The following ZC2HC1B variants were observed in gnomAD, a reference collection of about 807,000 sequenced individuals.
The protein encoded by ZC2HC1B is zinc finger C2HC-type containing 1B, also known as zinc finger C2HC domain-containing protein 1B.
In ZC2HC1B, 36 loss-of-function variants were observed where a neutral mutation model predicts 31.0. That is an observed-to-expected ratio of 1.16 (90% confidence interval 0.89 to 1.54). The LOEUF (loss-of-function observed/expected upper bound fraction) is 1.54, where lower values mean the gene tolerates loss of function less well. ZC2HC1B is among the 40% of genes most tolerant of loss of function. ZC2HC1B has a pLI of 0.00. For missense variants in ZC2HC1B, 260 were observed against 268.6 expected, an observed-to-expected ratio of 0.97 and a Z score of 0.22; for synonymous variants, 73 against 88.0, an observed-to-expected ratio of 0.83 and a Z score of 0.95.
At chr6:143,874,737 C>T (rs1777385912) in intron 1 of ZC2HC1B, among the ~76,000 whole-genome samples, 1 of 152,162 alleles carries the variant, frequency 6.6e-6, no homozygotes, top group Non-Finnish European at 1.5e-5. Context: ...CCCCTGGGTC[C>T]CTCCCACAAC....
intron 5 of ZC2HC1B, among the ~76,000 whole-genome samples, chr6:143,901,973 A>C (rs1046752971): frequency 1.3e-5 from 2 of 152,204 alleles, no homozygotes; most frequent in African/African-American, 4.8e-5. Flanking sequence ...GGGGCCAAAG[A>C]GAGCACAGGA....
At chr6:143,867,882 T>C (rs1362272131) in intron 1 of ZC2HC1B, among the ~76,000 whole-genome samples, 1 of 152,214 alleles carries the variant, frequency 6.6e-6, no homozygotes, top group Non-Finnish European at 1.5e-5. Flanking sequence ...ATAATTGCCT[T>C]TTCCTATATC....
intron 4 of ZC2HC1B, among the ~76,000 whole-genome samples, chr6:143,898,313 C>A (rs562000121): frequency 8.8e-4 from 134 of 152,260 alleles, no homozygotes; most frequent in African/African-American, 2.9e-3. Context: ...GAACCACAGG[C>A]ACACACCACC....
rs59777839 is a variant in ZC2HC1B, at chr6:143,882,334, T to TTATATATA, written c.29-1942_29-1935dup. ...AATATGTATACATATTTTATATTTT[T>TTATATATA]TATATATATATATATATATATATAT... On this transcript the variant is annotated intron_variant, in intron 1 of 7. Coordinates refer to ENST00000237275, the MANE Select transcript of ZC2HC1B (RefSeq NM_001013623.3). 4.2e-3 allele frequency among the ~76,000 whole-genome samples: 355 copies of TTATATATA among 85,510 alleles called. 1 individual carries two copies. Among genetic ancestry groups the TTATATATA allele is most frequent in the Admixed American group, 6.9e-3 (55 of 7,948 alleles). The allele number at this position is 85,510 out of a possible 152,430, so 56.1% of individuals were successfully genotyped here.
chr6:143,918,295 C>T lies in ZC2HC1B; in HGVS notation c.598+15143C>T, dbSNP rs1454878108. 6.6e-6 allele frequency among the ~76,000 whole-genome samples: 1 copy of T among 152,178 alleles called. No individual in the cohort carries two copies. Among genetic ancestry groups the T allele is most frequent in the Non-Finnish European group, 1.5e-5 (1 of 68,038 alleles). ...GACTAGAGGCATGCACCTCTGTACC[C>T]ATCTCTTCCCTTACTTTTTGAAGGA... On this transcript the variant is annotated intron_variant, in intron 6 of 7. Transcript: ENST00000237275. This position sits in a 1 kb window ranked among gnomAD's most constrained non-coding sequence, Gnocchi z 4.1.
chr6:143,890,811 A>G (rs185635436), intron 4 of ZC2HC1B, among the ~76,000 whole-genome samples: 1 of 152,278 alleles, frequency 6.6e-6, no homozygotes, highest in African/African-American at 2.4e-5. Flanking sequence ...TTGTAGTTCT[A>G]TATACTAGGC....
intron 1 of ZC2HC1B, among the ~76,000 whole-genome samples, chr6:143,882,539 C>T (rs528481810): frequency 4.5e-4 from 68 of 151,678 alleles, no homozygotes; most frequent in African/African-American, 1.6e-3. Context: ...TTCCTGTTAA[C>T]TAGGGCTTCC....
rs1280516331 is a variant in ZC2HC1B, at chr6:143,937,664, C to T, written c.614C>T (p.Pro205Leu). 6.4e-7 allele frequency: 1 copy of T among 1,551,070 alleles called. No homozygotes were observed. The highest frequency in any genetic ancestry group is 8.7e-7 in the Non-Finnish European group (1 of 1,146,796). Residue 205 changes from proline (P) to leucine (L), a missense_variant, in exon 7 of 8, where the codon CCT (proline) becomes CTT (leucine). Transcript: ENST00000237275. ...GTTTGCAAAGGATTAGCTATGGACCCTGCTTCTGGAGCAAAACTCAGACAA... is the reference window on the plus strand; with the variant it reads ...GTTTGCAAAGGATTAGCTATGGACCTTGCTTCTGGAGCAAAACTCAGACAA... ...VPTKSGLAMD[P>L]ASGAKLRQGF...
rs1777992299 is a variant in ZC2HC1B at position 143,922,269 on chromosome 6, T to A, written c.599-15380T>A. Among the ~76,000 whole-genome samples, 1 of 152,228 alleles carries A rather than the reference T, an allele frequency of 6.6e-6. No individual in the cohort carries two copies. The highest frequency in any genetic ancestry group is 1.5e-5 in the Non-Finnish European group (1 of 68,040). ...ATGAATAAAATGTGTAATGATCAAA[T>A]CAGGGTATTTAAGATATCTATGACC... is the stretch of plus-strand genomic sequence containing the variant. On this transcript the variant is annotated intron_variant, in intron 6 of 7. Coordinates refer to ENST00000237275, the MANE Select transcript of ZC2HC1B (RefSeq NM_001013623.3). This position sits in a 1 kb window ranked among gnomAD's most constrained non-coding sequence, Gnocchi z 5.0.
At position 143,917,102 on chromosome 6, in the gene ZC2HC1B, G is replaced by A. The variant is rs1777928125; in HGVS notation, c.598+13950G>A. ...GGAGGTAACTGAATCATGGGGGCAA[G>A]TCTTTCCTGTGCTATTCTCGTGATA... On this transcript the variant is annotated intron_variant, in intron 6 of 7. Coordinates refer to ENST00000237275, the MANE Select transcript of ZC2HC1B (RefSeq NM_001013623.3). The surrounding 1 kb of genome is among the most constrained non-coding windows in gnomAD (Gnocchi z 4.1). Among the ~76,000 whole-genome samples, 1 of 152,196 alleles carries A rather than the reference G, an allele frequency of 6.6e-6. No individual in the cohort carries two copies.
In ZC2HC1B at chr6:143,903,080, G is replaced by C; in HGVS notation, c.526G>C (p.Val176Leu). 6.4e-7 allele frequency: 1 copy of C among 1,551,936 alleles called. No homozygotes were observed. The highest frequency in any genetic ancestry group is 8.7e-7 in the Non-Finnish European group (1 of 1,147,038). ...GATGGGTCCAAAAAAAGAACCAACT[G>C]TTACCAGTGCTGTGGGAGCTTTGCT... The part of the protein sequence containing the change: ...AQMGPKKEPT[V>L]TSAVGALLQN... The change falls in exon 6 of 8, where the codon GTT becomes CTT. Residue 176 changes from valine (V) to leucine (L), a missense_variant. By Grantham distance (32) the Val-to-Leu change is conservative (BLOSUM62 1). Coordinates refer to ENST00000237275, the MANE Select transcript of ZC2HC1B (RefSeq NM_001013623.3). The surrounding 1 kb of genome is among the most constrained non-coding windows in gnomAD (Gnocchi z 4.3).
Position 143,923,892 on chromosome 6 carries a change from CTTTG to C in ZC2HC1B, c.599-13753_599-13750del, listed in dbSNP as rs1418416808. Reference sequence around the variant, plus strand: ...GAAATCAGGTATGTGATGCCTCCAGCTTTGTTTTTTTTTACTCAGGAACACTATG... The same window carrying C: ...GAAATCAGGTATGTGATGCCTCCAGCTTTTTTTTTACTCAGGAACACTATG... On this transcript the variant is annotated intron_variant, in intron 6 of 7. Transcript: ENST00000237275. The surrounding 1 kb of genome is among the most constrained non-coding windows in gnomAD (Gnocchi z 4.8). Among the ~76,000 whole-genome samples, 1 of 151,462 alleles carries C rather than the reference CTTTG, an allele frequency of 6.6e-6. No homozygotes were observed. Among genetic ancestry groups the C allele is most frequent in the African/African-American group, 2.4e-5 (1 of 41,202 alleles).
At chr6:143,930,656 C>T (rs560289061) in intron 6 of ZC2HC1B, among the ~76,000 whole-genome samples, 2 of 152,158 alleles carry the variant, frequency 1.3e-5, no homozygotes, top group African/African-American at 4.8e-5. Context: ...GGATTACAAG[C>T]GTGAGCCACC....
chr6:143,914,607 A>C (rs1311710091), intron 6 of ZC2HC1B, among the ~76,000 whole-genome samples: 1 of 151,718 alleles, frequency 6.6e-6, no homozygotes, highest in African/African-American at 2.4e-5. Flanking sequence ...TAAATCTTCT[A>C]TTTTCTTATG....
In ZC2HC1B at chr6:143,922,148, G is replaced by C. The variant is rs74353552; in HGVS notation, c.599-15501G>C. 1.3e-5 allele frequency among the ~76,000 whole-genome samples: 2 copies of C among 151,952 alleles called. No homozygotes were observed. Among genetic ancestry groups the C allele is most frequent in the Non-Finnish European group, 2.9e-5 (2 of 67,954 alleles). ...AATCTCACTTAGTGAGATTTCCTTC[G>C]TTCTGTTCTGATACTAGTCTACTTG... On this transcript the variant is annotated intron_variant, in intron 6 of 7. Transcript: ENST00000237275. This position sits in a 1 kb window ranked among gnomAD's most constrained non-coding sequence, Gnocchi z 5.0.
At chr6:143,878,514 TTGC>T (rs1174433717) in intron 1 of ZC2HC1B, among the ~76,000 whole-genome samples, 2 of 150,020 alleles carry the variant, frequency 1.3e-5, no homozygotes, top group African/African-American at 2.5e-5. Flanking sequence ...GCCTAGAACA[TTGC>T]TGAAGTGCTG....
rs1227857629 is a variant in ZC2HC1B, at chr6:143,917,744, A to G, written c.598+14592A>G. ...CAAATATTCCAAAATTTAAAAAAAAATCTGCAACACTTTGGTCCCAAGCAT... is the reference window on the plus strand; with the variant it reads ...CAAATATTCCAAAATTTAAAAAAAAGTCTGCAACACTTTGGTCCCAAGCAT... On this transcript the variant is annotated intron_variant, in intron 6 of 7. Transcript: ENST00000237275. This position sits in a 1 kb window ranked among gnomAD's most constrained non-coding sequence, Gnocchi z 4.1. 6.6e-6 allele frequency among the ~76,000 whole-genome samples: 1 copy of G among 152,228 alleles called. No homozygotes were observed. Among genetic ancestry groups the G allele is most frequent in the Non-Finnish European group, 1.5e-5 (1 of 68,034 alleles).
intron 1 of ZC2HC1B, among the ~76,000 whole-genome samples, chr6:143,874,966 G>A (rs575727282): frequency 4.6e-5 from 7 of 152,182 alleles, no homozygotes; most frequent in African/African-American, 1.7e-4. Context: ...CCGGGTATGT[G>A]GGACTGCAGG....
In ZC2HC1B at chr6:143,903,242, C is replaced by A; in HGVS notation, c.598+90C>A. 8.7e-7 allele frequency: 1 copy of A among 1,150,430 alleles called. No homozygotes were observed. Among genetic ancestry groups the A allele is most frequent in the Non-Finnish European group, 1.3e-6 (1 of 789,252 alleles). 71.3% of individuals were successfully genotyped at this position (1,150,430 alleles called of 1,614,324 possible). On this transcript the variant is annotated intron_variant, in intron 6 of 7. Transcript: ENST00000237275. This position sits in a 1 kb window ranked among gnomAD's most constrained non-coding sequence, Gnocchi z 4.3. ...GGGATTCACTGGTAGTCTGCAAAAG[C>A]TCTAAGACATTCACTGTTGCTTTTG...
Sources: allele counts gnomAD v4.1 joint callset (sites outside exome capture counted in the v4.1 genomes callset), GRCh38; gene constraint gnomAD v4.1.1; non-coding constraint Gnocchi (gnomAD v3.1); transcripts MANE v1.5; gene names NCBI Gene and HGNC (gene_info 2026-07-23, HGNC 2026-07-21).